The following GIGYF1 variants were observed in gnomAD, a reference collection of about 807,000 sequenced individuals.
The protein encoded by GIGYF1 is GRB10-interacting GYF protein 1.
GIGYF1 carries 84 observed loss-of-function variants against 147.1 expected under a neutral mutation model. That is an observed-to-expected ratio of 0.57 (90% CI 0.48 to 0.68). The LOEUF (loss-of-function observed/expected upper bound fraction) is 0.68, where lower values mean the gene tolerates loss of function less well. Among genes scored for constraint, GIGYF1 ranks in the 30% least tolerant of loss-of-function variants. The pLI, the probability that GIGYF1 is intolerant of heterozygous loss-of-function variation, is 0.00. For synonymous variants in GIGYF1, 752 were observed against 589.5 expected, an observed-to-expected ratio of 1.28 and a Z score of -3.99; for missense variants, 1,485 against 1,393.7, an observed-to-expected ratio of 1.07 and a Z score of -1.04.
chr7:100,682,038 A>G (rs1253152915), intron 25 of GIGYF1, 34 bp downstream of exon 25: 4 of 1,610,974 alleles, frequency 2.5e-6, no homozygotes, highest in Middle Eastern at 1.6e-4. Flanking sequence ...GCACCAGGCA[A>G]GCCCACCCCA....
At position 100,687,624 on chromosome 7, in the gene GIGYF1, G is replaced by C. The variant is rs1287509990; in HGVS notation, c.262-8C>G. 5 of 1,604,152 alleles carry C rather than the reference G, an allele frequency of 3.1e-6. No individual in the cohort carries two copies. Among genetic ancestry groups the C allele is most frequent in the Non-Finnish European group, 8.5e-7 (1 of 1,175,444 alleles). On this transcript the variant is annotated splice_region_variant and splice_polypyrimidine_tract_variant and intron_variant, in intron 6 of 26. Coordinates refer to ENST00000678049, the MANE Select transcript of GIGYF1 (RefSeq NM_001375765.1). Reference sequence around the variant, plus strand: ...TGACAGGGAGAAGTTTCTCTGAGGAGGGAGCCAGGGGCGGGAGTGAGGACC... The same window carrying C: ...TGACAGGGAGAAGTTTCTCTGAGGACGGAGCCAGGGGCGGGAGTGAGGACC...
chr7:100,684,179 TGGTG>T, intron 17 of GIGYF1, 22 bp from the exon 18 acceptor site: 2 of 1,609,116 alleles, frequency 1.2e-6, no homozygotes, highest in Non-Finnish European at 1.7e-6. Flanking sequence ...ACAGTGGAGA[TGGTG>T]GGCCACAGAG....
In GIGYF1 at chr7:100,683,115, G is replaced by T; in HGVS notation, c.2309C>A (p.Ser770Tyr). 6.3e-7 allele frequency: 1 copy of T among 1,593,330 alleles called. No individual in the cohort carries two copies. Among genetic ancestry groups the T allele is most frequent in the East Asian group, 2.3e-5 (1 of 44,390 alleles). Residue 770 changes from serine (S) to tyrosine (Y), a missense_variant, in exon 22 of 27, where the codon TCC (serine) becomes TAC (tyrosine). By Grantham distance (144) the Ser-to-Tyr change is moderately radical. Coordinates refer to ENST00000678049, the MANE Select transcript of GIGYF1 (RefSeq NM_001375765.1). Reference protein sequence around the residue: ...LWAGLAKQGLSMKTLLELQLE... With the variant: ...LWAGLAKQGLYMKTLLELQLE... The stretch of plus-strand genomic sequence containing the variant: ...CTGCAACTCCAGGAGCGTCTTCATG[G>T]ACAGCCCCTGCTTGGCCAGGCCAGC...
rs914741152 is a variant in GIGYF1, at chr7:100,681,538, C to T, written c.*181G>A. On this transcript the variant is annotated 3_prime_UTR_variant, in exon 27 of 27. Coordinates refer to ENST00000678049, the MANE Select transcript of GIGYF1 (RefSeq NM_001375765.1). The stretch of plus-strand genomic sequence containing the variant: ...AAATAAAAAGAAAAACCCCCTCCCC[C>T]AGTCTGTAAAGTGCCTCGTGGTGGG... 2 of 439,200 alleles carry T rather than the reference C, an allele frequency of 4.6e-6. No individual in the cohort carries two copies. The highest frequency in any genetic ancestry group is 7.9e-6 in the Non-Finnish European group (2 of 252,462). 27.2% of individuals were successfully genotyped at this position (439,200 alleles called of 1,614,324 possible).
chr7:100,685,598 C>CT, intron 12 of GIGYF1, 117 bp from the exon 13 acceptor site: 1 of 1,161,982 alleles, frequency 8.6e-7, no homozygotes. Flanking sequence ...CCGAGTCCAC[C>CT]ACTTCACTTG....
At position 100,686,831 on chromosome 7, in the gene GIGYF1, G is replaced by A. The variant is rs113046932; in HGVS notation, c.524-12C>T. On this transcript the variant is annotated splice_polypyrimidine_tract_variant and intron_variant, in intron 9 of 26. Transcript: ENST00000678049. Reference sequence around the variant, plus strand: ...AAAGCCACATCGTGCTGGGAGACGGGAAGACAGGGGCAGTTATTAGAAAGG... The same window carrying A: ...AAAGCCACATCGTGCTGGGAGACGGAAAGACAGGGGCAGTTATTAGAAAGG... 5 of 1,613,404 alleles carry A rather than the reference G, an allele frequency of 3.1e-6. No individual in the cohort carries two copies. The highest frequency in any genetic ancestry group is 1.7e-4 in the Middle Eastern group (1 of 6,058).
chr7:100,683,968 GCCCCCATCCC>G, intron 18 of GIGYF1, 42 bp downstream of exon 18: 1 of 1,567,610 alleles, frequency 6.4e-7, no homozygotes, highest in Non-Finnish European at 8.6e-7. Context: ...TCTCTGGTCT[GCCCCCATCCC>G]CCCCCCACCC....
At position 100,687,412 on chromosome 7, in the gene GIGYF1, G is replaced by A. The variant is rs749228220; in HGVS notation, c.374-6C>T. On this transcript the variant is annotated splice_region_variant and splice_polypyrimidine_tract_variant and intron_variant, in intron 7 of 26. Transcript: ENST00000678049. ...GCTGTCACCACGGCCGCGGCCTAGA[G>A]AAGAGGCCAGACGCACAATGAAACC... 3.7e-6 allele frequency: 6 copies of A among 1,613,120 alleles called. No individual in the cohort carries two copies. Among genetic ancestry groups the A allele is most frequent in the Non-Finnish European group, 5.1e-6 (6 of 1,179,796 alleles).
chr7:100,684,082 T>TGGCGGC lies in GIGYF1; in HGVS notation c.1800_1805dup (p.Pro601_Pro602dup). The TGGCGGC allele has an allele frequency of 6.2e-7, 1 of 1,606,158 alleles. No homozygotes were observed. The highest frequency in any genetic ancestry group is 8.5e-7 in the Non-Finnish European group (1 of 1,179,348). Reference sequence around the variant, plus strand: ...CCGTGAGCTGCTGCTGCTGCTGCTGTGGCGGCGGCGGTGGTGGCGGTGTCA... The same window carrying TGGCGGC: ...CCGTGAGCTGCTGCTGCTGCTGCTGTGGCGGCGGCGGCGGCGGTGGTGGCGGTGTCA... On this transcript the variant is annotated inframe_insertion, in exon 18 of 27. Coordinates refer to ENST00000678049, the MANE Select transcript of GIGYF1 (RefSeq NM_001375765.1).
chr7:100,688,219 T>C lies in GIGYF1; in HGVS notation c.20A>G (p.Asn7Ser). The change falls in exon 4 of 27, where the codon AAC becomes AGC. Residue 7 changes from asparagine to serine, a missense_variant. Transcript: ENST00000678049. ...AGTGACTCACCACTCAGGCCCAAAG[T>C]TGAGTGTCTCTGCTGCCATCGTGGG... MAAETL[N>S]FGPEWLRALS... is the part of the protein sequence containing the mutation. 14 of 1,612,560 alleles carry C rather than the reference T, an allele frequency of 8.7e-6. No individual in the cohort carries two copies. The highest frequency in any genetic ancestry group is 1.1e-5 in the Non-Finnish European group (13 of 1,179,480).
intron 1 of GIGYF1, among the ~76,000 whole-genome samples, chr7:100,692,056 C>T (rs1164490609): frequency 6.6e-6 from 1 of 152,252 alleles, no homozygotes; most frequent in Non-Finnish European, 1.5e-5. Flanking sequence ...CAGAACAGAG[C>T]CACTTAAACA....
chr7:100,692,164 C>T (rs1030497815), intron 1 of GIGYF1, among the ~76,000 whole-genome samples: 1 of 152,320 alleles, frequency 6.6e-6, no homozygotes, highest in East Asian at 1.9e-4. Flanking sequence ...ATTCTCCAAG[C>T]GTGGTAGGGT....
chr7:100,686,806 A>G lies in GIGYF1; in HGVS notation c.537T>C (p.Phe179=). ...TCCTTGGGCCAGCCCCTCCCTCCTC[A>G]AAGCCACATCGTGCTGGGAGACGGG... ...SARRDGARCG[F]EEGGAGPRKE... Residue 179 remains phenylalanine (F), a synonymous_variant, in exon 10 of 27, where the codon TTT becomes TTC. Coordinates refer to ENST00000678049, the MANE Select transcript of GIGYF1 (RefSeq NM_001375765.1). 1 of 1,613,804 alleles carries G rather than the reference A, an allele frequency of 6.2e-7. No individual in the cohort carries two copies.
rs1304701023 is a variant in GIGYF1, at chr7:100,680,333, G to A, written c.*1386C>T. 1 of 152,610 alleles carries A rather than the reference G, an allele frequency of 6.6e-6. No individual in the cohort carries two copies. The highest frequency in any genetic ancestry group is 1.5e-5 in the Non-Finnish European group (1 of 68,064). 9.5% of individuals were successfully genotyped at this position (152,610 alleles called of 1,614,324 possible). ...AAGCCTTGCCCTAATACTGCACTCT[G>A]AGCAATGAGGTCAATGGGAGGAGCT... On this transcript the variant is annotated 3_prime_UTR_variant, in exon 27 of 27. Transcript: ENST00000678049.
In GIGYF1 at chr7:100,682,678, G is replaced by A. The variant is rs901928901; in HGVS notation, c.2512C>T (p.Leu838=). Residue 838 remains leucine, a synonymous_variant, in exon 23 of 27, where the codon CTG becomes TTG. Transcript: ENST00000678049. ...TTGGGGGTGTCCTCCCAGAGCCCCAGGCCGCTGCTGCCGCCCCCACTCTTG... is the reference window on the plus strand; with the variant it reads ...TTGGGGGTGTCCTCCCAGAGCCCCAAGCCGCTGCTGCCGCCCCCACTCTTG... ...PDKSGGGSSG[L]GLWEDTPKSG... 3.7e-6 allele frequency: 6 copies of A among 1,601,410 alleles called. No individual in the cohort carries two copies. The highest frequency in any genetic ancestry group is 1.7e-4 in the Middle Eastern group (1 of 6,028).
rs780026214 is a variant in GIGYF1, at chr7:100,683,808, G to A, written c.1969+10C>T. Reference sequence around the variant, plus strand: ...CTGCCTTGGGGGTGGGGACCAGTCAGGCCACACACCTGACTGTGATGAGGC... The same window carrying A: ...CTGCCTTGGGGGTGGGGACCAGTCAAGCCACACACCTGACTGTGATGAGGC... On this transcript the variant is annotated intron_variant, in intron 19 of 26. Coordinates refer to ENST00000678049, the MANE Select transcript of GIGYF1 (RefSeq NM_001375765.1). 4.2e-5 allele frequency: 66 copies of A among 1,576,916 alleles called. 2 individuals are homozygous for A. The South Asian group carries it at 6.7e-4, about 16-fold the overall frequency.
Position 100,688,436 on chromosome 7 carries a change from T to C in GIGYF1, c.-70+15A>G. On this transcript the variant is annotated intron_variant, in intron 3 of 26. Transcript: ENST00000678049. ...GGACTAGCTGGTGGGTCACCTGGGG[T>C]CTAAAAGGACTCACCTGAGCCAGCC... The C allele has an allele frequency of 1.4e-6, 1 of 698,662 alleles. No homozygotes were observed. The highest frequency in any genetic ancestry group is 2.6e-6 in the Non-Finnish European group (1 of 385,026). 43.3% of individuals were successfully genotyped at this position (698,662 alleles called of 1,614,324 possible).
At position 100,692,812 on chromosome 7, in the gene GIGYF1, C is replaced by A. The variant is rs74715023; in HGVS notation, c.-1099+1298G>T. Among the ~76,000 whole-genome samples, 1,508 of 152,290 alleles carry A rather than the reference C, an allele frequency of 9.9e-3. 54 individuals are homozygous for A. In the East Asian group the frequency reaches 0.12, roughly 12 times the overall value. ...AAATCCTTCCCAATGGCACGACAGA[C>A]CGCTGGGGGACCAAGACCTACAATC... On this transcript the variant is annotated intron_variant, in intron 1 of 26. Coordinates refer to ENST00000678049, the MANE Select transcript of GIGYF1 (RefSeq NM_001375765.1).
Position 100,684,770 on chromosome 7 carries a change from C to A in GIGYF1, c.1415G>T (p.Gly472Val). Residue 472 changes from glycine (G) to valine (V), a missense_variant, in exon 15 of 27, where the codon GGG becomes GTG. By Grantham distance (109) the Gly-to-Val change is moderately radical (BLOSUM62 -3). Transcript: ENST00000678049. The part of the protein sequence containing the change: ...AAATALPLSH[G>V]AARKWFYKDP... ...CTTGTAGAACCACTTCCGGGCAGCC[C>A]CATGGCTGAGCGGGAGGGCAGTGGC... The A allele has an allele frequency of 6.2e-7, 1 of 1,612,414 alleles. No individual in the cohort carries two copies. The highest frequency in any genetic ancestry group is 8.5e-7 in the Non-Finnish European group (1 of 1,179,488).
Sources: gnomAD v4.1 joint callset for allele counts (sites outside exome capture counted in the v4.1 genomes callset) on GRCh38, gnomAD v4.1.1 for gene constraint, MANE v1.5 for transcripts, NCBI Gene and HGNC (gene_info 2026-07-23, HGNC 2026-07-21) for gene names.